WDPCP: variants seen among roughly 807,000 people sequenced by gnomAD.
WDPCP encodes WD repeat-containing and planar cell polarity effector protein fritz homolog.
Under a neutral mutation model 93.1 loss-of-function variants are expected in WDPCP, and 71 were observed. That is an observed-to-expected ratio of 0.76 (90% confidence interval 0.63 to 0.93). The LOEUF (loss-of-function observed/expected upper bound fraction) is 0.93. WDPCP is among the 40% of genes least tolerant of loss of function. The pLI is 0.00. For synonymous variants in WDPCP, 315 were observed against 315.0 expected, an observed-to-expected ratio of 1.00 and a Z score of 0.00; for missense variants, 844 against 887.4, an observed-to-expected ratio of 0.95 and a Z score of 0.62.
At chr2:63,533,331 C>G (rs369083860) in intron 1 of WDPCP, among the ~76,000 whole-genome samples, 2 of 152,084 alleles carry the variant, frequency 1.3e-5, no homozygotes, top group African/African-American at 4.8e-5. Context: ...ATATCCAGGA[C>G]CTGAACACAG....
At chr2:63,313,886 A>ATATATATATATATATTT in intron 12 of WDPCP, among the ~76,000 whole-genome samples, 1 of 74,502 alleles carries the variant, frequency 1.3e-5, no homozygotes, top group Non-Finnish European at 2.6e-5. Flanking sequence ...ATATATATAT[A>ATATATATATATATATTT]TTTTTTTTTT....
chr2:63,275,758 TC>T (rs1218049690), intron 13 of WDPCP, among the ~76,000 whole-genome samples: 1 of 151,912 alleles, frequency 6.6e-6, no homozygotes, highest in Admixed American at 6.6e-5. Context: ...TGGAAAGACA[TC>T]CCATACTCAT....
At chr2:63,225,827 T>C (rs967024982) in intron 14 of WDPCP, among the ~76,000 whole-genome samples, 1 of 151,932 alleles carries the variant, frequency 6.6e-6, no homozygotes, top group African/African-American at 2.4e-5. Flanking sequence ...TAAGGATGTG[T>C]AATTCTCTTC....
At chr2:63,348,357 G>C (rs1440918175) in intron 12 of WDPCP, among the ~76,000 whole-genome samples, 2 of 152,178 alleles carry the variant, frequency 1.3e-5, no homozygotes, top group Non-Finnish European at 2.9e-5. Context: ...TGCTATAGCA[G>C]AGCTGTCAAT....
chr2:63,451,254 A>G (rs973967254), intron 6 of WDPCP, among the ~76,000 whole-genome samples: 17 of 152,026 alleles, frequency 1.1e-4, no homozygotes, highest in African/African-American at 4.1e-4. Context: ...AGAAGAGACA[A>G]TCTCAGAACT....
intron 9 of WDPCP, among the ~76,000 whole-genome samples, chr2:63,410,564 G>A (rs1309453552): frequency 3.3e-5 from 5 of 152,110 alleles, no homozygotes; most frequent in African/African-American, 7.2e-5. Flanking sequence ...GAATGTAAAC[G>A]GCCTAAATGC....
intron 14 of WDPCP, among the ~76,000 whole-genome samples, chr2:63,249,288 T>C (rs556537930): frequency 2.0e-5 from 3 of 152,212 alleles, no homozygotes; most frequent in Admixed American, 2.0e-4. Flanking sequence ...TGTGTGTGGC[T>C]TTCTCAATTC....
chr2:63,776,114 CAT>C (rs1558907843), intron 2 of WDPCP, among the ~76,000 whole-genome samples: 9 of 143,690 alleles, frequency 6.3e-5, no homozygotes, highest in Non-Finnish European at 9.2e-5. Context: ...TACATACATA[CAT>C]ACACAAGTTG....
chr2:63,574,493 A>G (rs1163330493), intron 1 of WDPCP, among the ~76,000 whole-genome samples: 1 of 152,160 alleles, frequency 6.6e-6, no homozygotes, highest in African/African-American at 2.4e-5. Flanking sequence ...TAACCAATCA[A>G]TTTGTGCTTT....
Position 63,745,164 on chromosome 2 carries a change from G to A in WDPCP, n.308+68458C>T, listed in dbSNP as rs372438139. On this transcript the variant is annotated intron_variant and non_coding_transcript_variant, in intron 2 of 4. Coordinates refer to the WDPCP transcript ENST00000467687. The stretch of plus-strand genomic sequence containing the variant: ...GTACTCTACTTTGAGGATTTATAAA[G>A]AGTAAAGAATTTGAATTGTTTTAAG... Among the ~76,000 whole-genome samples, 31 of 152,216 alleles carry A rather than the reference G, an allele frequency of 2.0e-4. No individual in the cohort carries two copies. The East Asian group carries it at 5.8e-3, about 28-fold the overall frequency.
At chr2:63,634,053 C>G (rs1256873532) in intron 3 of WDPCP, among the ~76,000 whole-genome samples, 1 of 151,716 alleles carries the variant, frequency 6.6e-6, no homozygotes, top group South Asian at 2.1e-4. Flanking sequence ...AAGATTCCAT[C>G]TCGAAAAAAG....
intron 14 of WDPCP, among the ~76,000 whole-genome samples, chr2:63,210,917 C>T (rs984688302): frequency 2.0e-4 from 31 of 152,294 alleles, no homozygotes; most frequent in African/African-American, 2.9e-4. Flanking sequence ...GAGGGACACC[C>T]GCCATTGCTG....
chr2:63,398,749 T>G (rs1177314154), intron 10 of WDPCP, among the ~76,000 whole-genome samples: 1 of 147,454 alleles, frequency 6.8e-6, no homozygotes, highest in African/African-American at 2.5e-5. Flanking sequence ...TTCCAAAGGC[T>G]TGCATAACAA....
intron 13 of WDPCP, among the ~76,000 whole-genome samples, chr2:63,263,585 T>C (rs560218246): frequency 5.3e-5 from 8 of 152,370 alleles, no homozygotes; most frequent in African/African-American, 1.9e-4. Flanking sequence ...TCTGTTTTCT[T>C]TATAAATTAC....
intron 10 of WDPCP, among the ~76,000 whole-genome samples, chr2:63,388,721 A>C (rs1263652209): frequency 2.0e-5 from 3 of 152,214 alleles, no homozygotes; most frequent in Admixed American, 2.0e-4. Flanking sequence ...GATGGAGCTG[A>C]AAACCATGGC....
chr2:63,741,209 C>A (rs1370438468), intron 2 of WDPCP, among the ~76,000 whole-genome samples: 2 of 152,106 alleles, frequency 1.3e-5, no homozygotes, highest in Admixed American at 6.6e-5. Flanking sequence ...GTAAGCTGAT[C>A]CTTCAAAAAT....
At chr2:63,434,031 A>C in intron 8 of WDPCP, 95 bp from the exon 9 acceptor site, 1 of 1,290,028 alleles carries the variant, frequency 7.8e-7, no homozygotes, top group Non-Finnish European at 1.1e-6. Flanking sequence ...AAATGTAGTT[A>C]CATGCAAGTA....
intron 13 of WDPCP, among the ~76,000 whole-genome samples, chr2:63,272,461 T>C (rs1682739664): frequency 6.6e-6 from 1 of 152,176 alleles, no homozygotes; most frequent in Non-Finnish European, 1.5e-5. Context: ...AACCTGACAC[T>C]GTCAAAAGAA....
intron 12 of WDPCP, among the ~76,000 whole-genome samples, chr2:63,348,555 T>C (rs1274399792): frequency 6.6e-6 from 1 of 152,206 alleles, no homozygotes; most frequent in Non-Finnish European, 1.5e-5. Flanking sequence ...AAACTGGTAA[T>C]AGACTGACTC....
Sources: allele counts gnomAD v4.1 joint callset (sites outside exome capture counted in the v4.1 genomes callset), GRCh38; gene constraint gnomAD v4.1.1; transcripts MANE v1.5; gene names NCBI Gene and HGNC (gene_info 2026-07-23, HGNC 2026-07-21).